Variants in PPP1R12A observed in about 807,000 individuals in gnomAD.
The protein encoded by PPP1R12A is myosin binding subunit.
Under a neutral mutation model 139.6 loss-of-function variants are expected in PPP1R12A, and 19 were observed. The ratio of observed to expected loss-of-function variants is 0.14; its 90% CI spans 0.09 to 0.20. The LOEUF is 0.20. Ranked by LOEUF, PPP1R12A falls within the 10% of genes least tolerant of loss-of-function variation. The pLI is 1.00. For missense variants in PPP1R12A, 925 were observed against 1,211.5 expected, an observed-to-expected ratio of 0.76 and a Z score of 3.51; for synonymous variants, 427 against 420.6, an observed-to-expected ratio of 1.02 and a Z score of -0.19.
intron 3 of PPP1R12A, among the ~76,000 whole-genome samples, chr12:79,841,662 T>TA (rs1261588739): frequency 1.3e-5 from 2 of 152,170 alleles, no homozygotes; most frequent in Non-Finnish European, 2.9e-5. Context: ...TAATATCAGA[T>TA]AAAAAATAGG....
chr12:79,810,543 G>A (rs925874526), intron 9 of PPP1R12A, among the ~76,000 whole-genome samples: 87 of 152,104 alleles, frequency 5.7e-4, no homozygotes, highest in African/African-American at 2.0e-3. Context: ...CAGGTAAAGA[G>A]ACAAAGATTG....
intron 1 of PPP1R12A, among the ~76,000 whole-genome samples, chr12:79,923,407 A>G (rs1363963490): frequency 5.3e-5 from 8 of 152,264 alleles, no homozygotes; most frequent in African/African-American, 1.9e-4. Flanking sequence ...ATGCACACAC[A>G]ATGGAATACG....
chr12:79,907,079 TC>T (rs1202926409), intron 1 of PPP1R12A, among the ~76,000 whole-genome samples: 1 of 151,952 alleles, frequency 6.6e-6, no homozygotes, highest in Non-Finnish European at 1.5e-5. Context: ...TAACTCTATC[TC>T]CCCTCACTCA....
At position 79,781,127 on chromosome 12, in the gene PPP1R12A, TG is replaced by T. The variant is rs1400747183; in HGVS notation, c.2955+687del. 3.3e-5 allele frequency among the ~76,000 whole-genome samples: 5 copies of T among 152,182 alleles called. No homozygotes were observed. The East Asian group carries it at 5.8e-4, about 18-fold the overall frequency. ...CTTTGGGCACTTTTCCTTTAACTTT[TG>T]GATCATTTATACATTTTCAACTGAT... On this transcript the variant is annotated intron_variant, in intron 23 of 24. Coordinates refer to ENST00000450142, the MANE Select transcript of PPP1R12A (RefSeq NM_002480.3).
At chr12:79,855,959 G>C (rs1189631182) in intron 2 of PPP1R12A, among the ~76,000 whole-genome samples, 1 of 151,390 alleles carries the variant, frequency 6.6e-6, no homozygotes, top group Non-Finnish European at 1.5e-5. Context: ...GTAAACGTTA[G>C]CTATTTATCA....
At chr12:79,895,980 A>G (rs929305149) in intron 1 of PPP1R12A, among the ~76,000 whole-genome samples, 2 of 139,264 alleles carry the variant, frequency 1.4e-5, no homozygotes, top group African/African-American at 5.1e-5. Flanking sequence ...TTAAGGATAA[A>G]GAAATGGTGA....
chr12:79,778,878 T>A (rs577478465), intron 23 of PPP1R12A: 1 of 253,502 alleles, frequency 3.9e-6, no homozygotes, highest in Admixed American at 4.8e-5. Context: ...CATGTAAAAC[T>A]TAGAGTGAAT....
At chr12:79,814,494 AAAAAAAG>A (rs1251207184) in intron 9 of PPP1R12A, among the ~76,000 whole-genome samples, 1 of 144,014 alleles carries the variant, frequency 6.9e-6, no homozygotes, top group Non-Finnish European at 1.5e-5. Flanking sequence ...AAAAAAAAAA[AAAAAAAG>A]GACTCCCCCT....
At chr12:79,895,353 T>C (rs1885038091) in intron 1 of PPP1R12A, among the ~76,000 whole-genome samples, 1 of 152,126 alleles carries the variant, frequency 6.6e-6, no homozygotes, top group South Asian at 2.1e-4. Context: ...TCTAAGAAAA[T>C]GTAGAAAGAT....
intron 1 of PPP1R12A, among the ~76,000 whole-genome samples, chr12:79,916,206 T>A (rs1480185201): frequency 1.3e-5 from 2 of 152,070 alleles, no homozygotes. Flanking sequence ...AACAAATGTG[T>A]ATGTAAATTA....
At chr12:79,810,208 T>G (rs2086607251) in intron 9 of PPP1R12A, among the ~76,000 whole-genome samples, 198 bp from the exon 10 acceptor site, 2 of 152,178 alleles carry the variant, frequency 1.3e-5, no homozygotes, top group South Asian at 4.1e-4. Context: ...TAGACTACCT[T>G]CCTAGGGGTT....
At chr12:79,876,382 T>C (rs1421714520) in intron 1 of PPP1R12A, among the ~76,000 whole-genome samples, 1 of 152,182 alleles carries the variant, frequency 6.6e-6, no homozygotes, top group Non-Finnish European at 1.5e-5. Context: ...GCTTCCACAA[T>C]ACCTTGAGTT....
intron 1 of PPP1R12A, among the ~76,000 whole-genome samples, chr12:79,913,076 C>G (rs370429720): frequency 4.6e-5 from 7 of 152,258 alleles, no homozygotes; most frequent in African/African-American, 1.7e-4. Context: ...ATCTATTGTG[C>G]TCTTAATTTG....
At chr12:79,776,184 C>T (rs1869697450) in intron 24 of PPP1R12A, among the ~76,000 whole-genome samples, 169 bp from the exon 25 acceptor site, 4 of 151,906 alleles carry the variant, frequency 2.6e-5, no homozygotes, top group African/African-American at 9.7e-5. Flanking sequence ...AAAACCACAC[C>T]TGGATTTGTA....
rs771382007 is a variant in PPP1R12A, at chr12:79,872,933, G to A, written c.243C>T (p.Cys81=). ...TCACCATATCAACATTGTCATCAATGCAAGCCTAAAAACAAAACAGAAAGC... is the reference window on the plus strand; with the variant it reads ...TCACCATATCAACATTGTCATCAATACAAGCCTAAAAACAAAACAGAAAGC... ...VDGLTALHQA[C]IDDNVDMVKF... The change falls in exon 2 of 25, where the codon TGC becomes TGT. Residue 81 remains cysteine, a synonymous_variant. Transcript: ENST00000450142. 11 of 1,611,660 alleles carry A rather than the reference G, an allele frequency of 6.8e-6. No homozygotes were observed. Among genetic ancestry groups the A allele is most frequent in the Non-Finnish European group, 9.3e-6 (11 of 1,179,096 alleles).
At chr12:79,821,386 T>C (rs75929557) in intron 6 of PPP1R12A, among the ~76,000 whole-genome samples, 1 of 152,180 alleles carries the variant, frequency 6.6e-6, no homozygotes, top group Non-Finnish European at 1.5e-5. Context: ...ATGGATTTTT[T>C]ACATCCCTCC....
chr12:79,779,820 C>T (rs1870202207), intron 23 of PPP1R12A: 1 of 162,842 alleles, frequency 6.1e-6, no homozygotes, highest in African/African-American at 2.4e-5. Context: ...AAGAAAACTA[C>T]ACCCAACTGC....
chr12:79,905,674 G>A lies in PPP1R12A; in HGVS notation c.237+29021C>T, dbSNP rs567337021. Among the ~76,000 whole-genome samples, 5 of 152,204 alleles carry A rather than the reference G, an allele frequency of 3.3e-5. No individual in the cohort carries two copies. In the South Asian group the frequency reaches 1.0e-3, roughly 32 times the overall value. On this transcript the variant is annotated intron_variant, in intron 1 of 24. Coordinates refer to ENST00000450142, the MANE Select transcript of PPP1R12A (RefSeq NM_002480.3). ...TACGCATATTTTTATTTGTACATTTGATAGTCTTTGCTTCACTCTTAACCC... is the reference window on the plus strand; with the variant it reads ...TACGCATATTTTTATTTGTACATTTAATAGTCTTTGCTTCACTCTTAACCC...
chr12:79,932,767 T>C (rs895199047), intron 1 of PPP1R12A, among the ~76,000 whole-genome samples: 6 of 152,184 alleles, frequency 3.9e-5, no homozygotes, highest in African/African-American at 1.2e-4. Context: ...GGCAGTTAAA[T>C]GTATTTTCTC....
Sources: allele counts gnomAD v4.1 joint callset (sites outside exome capture counted in the v4.1 genomes callset), GRCh38; gene constraint gnomAD v4.1.1; transcripts MANE v1.5; gene names NCBI Gene and HGNC (gene_info 2026-07-23, HGNC 2026-07-21).